ARFGEF2: variants seen among roughly 807,000 people sequenced by gnomAD.
ARFGEF2 encodes the protein brefeldin A-inhibited guanine nucleotide-exchange protein 2.
A neutral mutation model predicts 219.9 loss-of-function variants in ARFGEF2; 74 were observed. The observed-to-expected ratio is 0.34, with a 90% CI of 0.28 to 0.41. The LOEUF (loss-of-function observed/expected upper bound fraction) is 0.41, where lower values mean the gene tolerates loss of function less well. Among genes scored for constraint, ARFGEF2 ranks in the 10% least tolerant of loss-of-function variants. ARFGEF2 has a pLI of 1.00. For missense variants in ARFGEF2, 1,743 were observed against 2,218.3 expected (o/e 0.79, Z 4.30); for synonymous variants, 733 against 799.2 (o/e 0.92, Z 1.40).
At position 48,921,722 on chromosome 20, in the gene ARFGEF2, T is replaced by C. The variant is rs937074183; in HGVS notation, c.-168T>C. Among the ~76,000 whole-genome samples the C allele has an allele frequency of 1.3e-5, 2 of 151,996 alleles. No individual in the cohort carries two copies. Among genetic ancestry groups the C allele is most frequent in the Admixed American group, 6.5e-5 (1 of 15,274 alleles). Reference sequence around the variant, plus strand: ...CGGCCTCGCCAGTCACGTGGTCACGTGACGCGCTCCAACATGGCGGCGCCG... The same window carrying C: ...CGGCCTCGCCAGTCACGTGGTCACGCGACGCGCTCCAACATGGCGGCGCCG... On this transcript the variant is annotated 5_prime_UTR_variant, in exon 1 of 39. Transcript: ENST00000371917.
At chr20:48,972,277 C>G (rs2091233070) in intron 10 of ARFGEF2, 49 bp from the exon 11 acceptor site, 2 of 1,377,266 alleles carry the variant, frequency 1.5e-6, no homozygotes. Context: ...GTTTTGAGCC[C>G]TGGTTGAAAC....
intron 37 of ARFGEF2, among the ~76,000 whole-genome samples, chr20:49,030,800 C>G (rs1390201959): frequency 6.6e-6 from 1 of 152,000 alleles, no homozygotes; most frequent in Non-Finnish European, 1.5e-5. Context: ...AGTTTGAGAC[C>G]AGCCTGGCCA....
Position 49,025,475 on chromosome 20 carries a change from C to A in ARFGEF2, c.4918C>A (p.Arg1640=), listed in dbSNP as rs772953658. ...SNYEQRTVLW[R]AGFKGKSKPN... The stretch of plus-strand genomic sequence containing the variant: ...TTACGAGCAGCGGACTGTCCTGTGG[C>A]GAGCAGGTAAGGCCACACAGCAGAT... Residue 1640 remains arginine, a synonymous_variant, in exon 36 of 39, where the codon CGA becomes AGA. Transcript: ENST00000371917. 1 of 1,613,928 alleles carries A rather than the reference C, an allele frequency of 6.2e-7. No individual in the cohort carries two copies. Among genetic ancestry groups the A allele is most frequent in the South Asian group, 1.1e-5 (1 of 91,056 alleles).
chr20:48,989,015 T>C (rs1160140100), intron 18 of ARFGEF2, among the ~76,000 whole-genome samples: 1 of 151,992 alleles, frequency 6.6e-6, no homozygotes, highest in African/African-American at 2.4e-5. Flanking sequence ...CAGCAAAGGG[T>C]AGTGGTTTAG....
chr20:48,947,139 C>T (rs1342952831), intron 3 of ARFGEF2, among the ~76,000 whole-genome samples: 1 of 152,172 alleles, frequency 6.6e-6, no homozygotes, highest in Non-Finnish European at 1.5e-5. Context: ...TAGCTCATGC[C>T]TATAATCCCA....
chr20:48,945,247 G>A lies in ARFGEF2; in HGVS notation c.276+3260G>A, dbSNP rs935534740. On this transcript the variant is annotated intron_variant, in intron 3 of 38. Coordinates refer to ENST00000371917, the MANE Select transcript of ARFGEF2 (RefSeq NM_006420.3). ...GGGGGACACAAACTTTCAGTCTGTA[G>A]CAACAGCTATGCCCATTCGTTTATG... 1.4e-4 allele frequency among the ~76,000 whole-genome samples: 22 copies of A among 152,184 alleles called. 1 individual carries two copies. The highest frequency in any genetic ancestry group is 5.1e-4 in the African/African-American group (21 of 41,430).
In ARFGEF2 at chr20:48,974,796, T is replaced by A. The variant is rs774513004; in HGVS notation, c.1696T>A (p.Cys566Ser). Residue 566 changes from cysteine (C) to serine (S), a missense_variant, in exon 13 of 39, where the codon TGC (cysteine) becomes AGC (serine). By Grantham distance (112) the Cys-to-Ser change is moderately radical. Transcript: ENST00000371917. Reference sequence around the variant, plus strand: ...CAGCCTGAGGAAGAAAGGCCTGGAGTGCCTCGTGTCCATTCTCAAGTGCAT... The same window carrying A: ...CAGCCTGAGGAAGAAAGGCCTGGAGAGCCTCGTGTCCATTCTCAAGTGCAT... ...ELSLRKKGLE[C>S]LVSILKCMVE... 6.2e-7 allele frequency: 1 copy of A among 1,613,706 alleles called. No homozygotes were observed. The highest frequency in any genetic ancestry group is 1.3e-5 in the African/African-American group (1 of 74,884).
rs776800819 is a variant in ARFGEF2 at position 48,991,155 on chromosome 20, T to C, written c.2930T>C (p.Val977Ala). The C allele has an allele frequency of 6.2e-7, 1 of 1,614,234 alleles. No homozygotes were observed. The highest frequency in any genetic ancestry group is 8.5e-7 in the Non-Finnish European group (1 of 1,180,036). Residue 977 changes from valine (V) to alanine (A), a missense_variant, in exon 21 of 39, where the codon GTG becomes GCG. Physicochemically the swap from Val to Ala is moderately conservative, Grantham distance 64 (BLOSUM62 0). This residue lies in a region of ARFGEF2 where 666 missense variants were observed against 955.4 expected (regional missense o/e 0.70). Transcript: ENST00000371917. ...GACACCATTAAGACGCTTATCACAG[T>C]GGCTCACACCGATGGCAACTACCTT... ...NIDTIKTLITVAHTDGNYLGN... is the reference protein window; with the variant it reads ...NIDTIKTLITAAHTDGNYLGN...
chr20:48,928,238 G>A (rs1245110243), intron 1 of ARFGEF2, among the ~76,000 whole-genome samples: 4 of 122,104 alleles, frequency 3.3e-5, no homozygotes, highest in South Asian at 5.3e-4. Flanking sequence ...TCGCTCTGTC[G>A]CCCAGGCTGG....
chr20:48,985,391 G>T lies in ARFGEF2; in HGVS notation c.2071-17G>T. 1 of 1,613,808 alleles carries T rather than the reference G, an allele frequency of 6.2e-7. No individual in the cohort carries two copies. The highest frequency in any genetic ancestry group is 8.5e-7 in the Non-Finnish European group (1 of 1,179,716). On this transcript the variant is annotated splice_polypyrimidine_tract_variant and intron_variant, in intron 15 of 38. Coordinates refer to ENST00000371917, the MANE Select transcript of ARFGEF2 (RefSeq NM_006420.3). ...TATTTGACAATTTCTGGATATAAGT[G>T]AGTGTGTATGTTTCAGACCCAAGTA...
At chr20:48,931,347 A>G (rs2123280376) in intron 1 of ARFGEF2, among the ~76,000 whole-genome samples, 1 of 152,244 alleles carries the variant, frequency 6.6e-6, no homozygotes. Flanking sequence ...TTTTCAACAA[A>G]TGTTGAGTGC....
At chr20:48,985,179 C>T (rs1333022974) in intron 15 of ARFGEF2, among the ~76,000 whole-genome samples, 4 of 132,966 alleles carry the variant, frequency 3.0e-5, no homozygotes, top group East Asian at 4.4e-4. Context: ...TCATTCTCTC[C>T]ATTTTAAGTC....
chr20:48,922,141 C>T (rs2090846170), intron 1 of ARFGEF2, 131 bp downstream of exon 1: 11 of 1,394,138 alleles, frequency 7.9e-6, no homozygotes, highest in Admixed American at 2.4e-5. Context: ...TTCCGGCCTC[C>T]TCCTCATTAT....
Position 48,984,755 on chromosome 20 carries a change from T to A in ARFGEF2, c.1985T>A (p.Ile662Asn). The A allele has an allele frequency of 1.2e-6, 2 of 1,613,854 alleles. No individual in the cohort carries two copies. The highest frequency in any genetic ancestry group is 1.7e-6 in the Non-Finnish European group (2 of 1,180,022). The change falls in exon 15 of 39, where the codon ATC becomes AAC. Residue 662 changes from isoleucine (I) to asparagine (N), a missense_variant. Coordinates refer to ENST00000371917, the MANE Select transcript of ARFGEF2 (RefSeq NM_006420.3). ...ELFNKKPKRGIQFLQEQGMLG... is the reference protein window; with the variant it reads ...ELFNKKPKRGNQFLQEQGMLG... ...TTCAACAAGAAACCCAAGAGGGGGA[T>A]CCAGTTTCTCCAGGAGCAGGGCATG...
Position 49,036,004 on chromosome 20 carries a change from A to AC in ARFGEF2, c.*2805_*2806insC, listed in dbSNP as rs2091664294. The AC allele has an allele frequency of 1.0e-5, 4 of 394,596 alleles. No homozygotes were observed. The allele number at this position is 394,596 out of a possible 1,614,324, so 24.4% of individuals were successfully genotyped here. ...CTTTTGTACGAAATGAAAAAAAAAA[A>AC]ACCTGTATTTTTTTTGTTGTTCTTT... On this transcript the variant is annotated 3_prime_UTR_variant, in exon 39 of 39. Transcript: ENST00000371917.
intron 3 of ARFGEF2, among the ~76,000 whole-genome samples, chr20:48,946,230 G>C (rs908507141): frequency 5.1e-4 from 78 of 152,286 alleles, no homozygotes; most frequent in African/African-American, 1.7e-3. Flanking sequence ...AGTAGGAGTG[G>C]CAAAGGTGCT....
intron 3 of ARFGEF2, among the ~76,000 whole-genome samples, chr20:48,944,521 C>T (rs1464667775): frequency 1.3e-5 from 2 of 152,164 alleles, no homozygotes; most frequent in African/African-American, 2.4e-5. Flanking sequence ...GTGGCGCGAT[C>T]GTGGCTCACT....
At chr20:49,030,466 CAA>C (rs371546042) in intron 37 of ARFGEF2, among the ~76,000 whole-genome samples, 4 of 63,788 alleles carry the variant, frequency 6.3e-5, no homozygotes, top group African/African-American at 1.3e-4. Flanking sequence ...GAAATCTTAG[CAA>C]AAAAAAAAAA....
At chr20:48,967,970 A>G (rs1448925181) in intron 8 of ARFGEF2, among the ~76,000 whole-genome samples, 2 of 152,052 alleles carry the variant, frequency 1.3e-5, no homozygotes, top group Admixed American at 1.3e-4. Flanking sequence ...GGGGGATATT[A>G]ATCTTTATTA....
Sources: gnomAD v4.1 joint callset for allele counts (sites outside exome capture counted in the v4.1 genomes callset) on GRCh38, gnomAD v4.1.1 for gene constraint, gnomAD v4.1.1 regional missense constraint, MANE v1.5 for transcripts, NCBI Gene and HGNC (gene_info 2026-07-23, HGNC 2026-07-21) for gene names.